The following C1orf87 variants were observed in gnomAD, a reference collection of about 807,000 sequenced individuals.
C1orf87 encodes chromosome 1 open reading frame 87.
In C1orf87, 58 loss-of-function variants were observed where a neutral mutation model predicts 60.5. That is an observed-to-expected ratio of 0.96 (90% CI 0.78 to 1.19). C1orf87 has a LOEUF of 1.19. Ranked by LOEUF, C1orf87 falls within the 50% of genes most tolerant of loss-of-function variation. The pLI is 0.00. For synonymous variants in C1orf87, 236 were observed against 227.4 expected (o/e 1.04, Z -0.34); for missense variants, 673 against 638.6 (o/e 1.05, Z -0.58).
intron 11 of C1orf87, among the ~76,000 whole-genome samples, chr1:59,994,416 C>T (rs1337413836): frequency 6.6e-6 from 1 of 152,152 alleles, no homozygotes; most frequent in Non-Finnish European, 1.5e-5. Flanking sequence ...GCTTTCTTCT[C>T]TGTAAATAAG....
intron 7 of C1orf87, among the ~76,000 whole-genome samples, chr1:60,029,100 A>G (rs898803665): frequency 3.3e-5 from 5 of 152,078 alleles, no homozygotes; most frequent in African/African-American, 4.8e-5. Flanking sequence ...TACCCCTCTC[A>G]ATTATTCCTT....
At chr1:60,009,696 A>G (rs1368833035) in intron 9 of C1orf87, among the ~76,000 whole-genome samples, 1 of 152,026 alleles carries the variant, frequency 6.6e-6, no homozygotes, top group Non-Finnish European at 1.5e-5. Flanking sequence ...GCAATCAGTA[A>G]ATGGTTGATG....
chr1:60,005,983 G>GGT (rs1645042434), intron 9 of C1orf87, among the ~76,000 whole-genome samples: 1 of 151,868 alleles, frequency 6.6e-6, no homozygotes, highest in Non-Finnish European at 1.5e-5. Context: ...AGCCTATCAT[G>GGT]GTATCCCAAT....
At chr1:59,997,135 C>T (rs1644968751) in intron 11 of C1orf87, among the ~76,000 whole-genome samples, 1 of 152,030 alleles carries the variant, frequency 6.6e-6, no homozygotes, top group Non-Finnish European at 1.5e-5. Context: ...AGATGAAAGG[C>T]TGGGAGTTAG....
chr1:60,029,328 G>C (rs952848737), intron 7 of C1orf87, among the ~76,000 whole-genome samples: 1 of 152,056 alleles, frequency 6.6e-6, no homozygotes, highest in African/African-American at 2.4e-5. Context: ...CCTTCTAAAA[G>C]GTCTCTCTGC....
intron 9 of C1orf87, chr1:60,008,891 G>A (rs577083818): frequency 1.7e-4 from 60 of 346,874 alleles, no homozygotes; most frequent in South Asian, 5.7e-4. Context: ...TGGCATTTCC[G>A]TGGAGACCCT....
At chr1:60,052,148 C>A (rs926805651) in intron 3 of C1orf87, among the ~76,000 whole-genome samples, 1 of 152,144 alleles carries the variant, frequency 6.6e-6, no homozygotes, top group Non-Finnish European at 1.5e-5. Flanking sequence ...GAAACCTTCC[C>A]AATAAACTGT....
chr1:60,064,290 T>C (rs181585088), intron 2 of C1orf87, among the ~76,000 whole-genome samples: 2 of 129,152 alleles, frequency 1.5e-5, no homozygotes, highest in East Asian at 4.7e-4. Flanking sequence ...TTATATATTA[T>C]ATATATATTT....
intron 9 of C1orf87, among the ~76,000 whole-genome samples, chr1:60,006,017 C>A (rs543295550): frequency 6.6e-6 from 1 of 152,010 alleles, no homozygotes; most frequent in East Asian, 1.9e-4. Flanking sequence ...CAATGATGGC[C>A]ATAAAACTCA....
Position 60,040,166 on chromosome 1 carries a change from G to A in C1orf87, c.498C>T (p.Ser166=), listed in dbSNP as rs1166093942. The A allele has an allele frequency of 6.2e-7, 1 of 1,613,164 alleles. No individual in the cohort carries two copies. Among genetic ancestry groups the A allele is most frequent in the Non-Finnish European group, 8.5e-7 (1 of 1,179,806 alleles). The change falls in exon 5 of 12, where the codon AGC becomes AGT. Residue 166 remains serine (S), a synonymous_variant. Coordinates refer to ENST00000371201, the MANE Select transcript of C1orf87 (RefSeq NM_152377.3). ...CGTCTTCATTTGTTGTCCCACTTGG[G>A]CTCTGGCCAATATCCTAACACAACA... ...SSDQPEDIGQ[S]PSGTTNEDAF... is the part of the protein sequence containing the mutation.
rs993010308 is a variant in C1orf87, at chr1:60,041,045, C to T, written c.429G>A (p.Lys143=). The T allele has an allele frequency of 6.2e-7, 1 of 1,613,486 alleles. No homozygotes were observed. The highest frequency in any genetic ancestry group is 1.3e-5 in the African/African-American group (1 of 74,908). Residue 143 remains lysine (K), a synonymous_variant, in exon 4 of 12, where the codon AAG becomes AAA. Transcript: ENST00000371201. ...TCTGTTCCAAGGACCAGTCTCTAAG[C>T]TTTCTCCTGGGAATGCCATGCACAT... ...LSYVHGIPRR[K]LRDWSLEQMV...
At chr1:59,999,612 C>A (rs887546830) in intron 10 of C1orf87, among the ~76,000 whole-genome samples, 4 of 152,110 alleles carry the variant, frequency 2.6e-5, no homozygotes. Flanking sequence ...CAGACTTAAG[C>A]AAGTAACTAA....
At chr1:60,026,504 G>A (rs1026168665) in intron 7 of C1orf87, among the ~76,000 whole-genome samples, 1 of 151,240 alleles carries the variant, frequency 6.6e-6, no homozygotes, top group African/African-American at 2.4e-5. Context: ...AGAGGGGAGA[G>A]TACAGAAGAA....
intron 9 of C1orf87, among the ~76,000 whole-genome samples, chr1:60,004,142 G>A (rs1645026623): frequency 6.6e-6 from 1 of 152,024 alleles, no homozygotes; most frequent in South Asian, 2.1e-4. Context: ...AGGGATTCTT[G>A]AAGCAGTACG....
intron 8 of C1orf87, among the ~76,000 whole-genome samples, chr1:60,014,222 C>G (rs565093833): frequency 6.6e-6 from 1 of 152,198 alleles, no homozygotes; most frequent in African/African-American, 2.4e-5. Context: ...AATAAAACAA[C>G]ACTTGTGTAA....
At chr1:60,035,255 CT>C (rs2100289649) in intron 6 of C1orf87, among the ~76,000 whole-genome samples, 1 of 152,310 alleles carries the variant, frequency 6.6e-6, no homozygotes, top group South Asian at 2.1e-4. Context: ...CTTCCTTCCT[CT>C]TTTCTTGCAA....
At chr1:60,027,943 A>G (rs1272264956) in intron 7 of C1orf87, among the ~76,000 whole-genome samples, 1 of 152,194 alleles carries the variant, frequency 6.6e-6, no homozygotes, top group African/African-American at 2.4e-5. Flanking sequence ...CATTTCTACA[A>G]GGTGGTGGCT....
Position 60,038,015 on chromosome 1 carries a change from C to A in C1orf87, c.840G>T (p.Glu280Asp), listed in dbSNP as rs1157154889. 2 of 1,610,132 alleles carry A rather than the reference C, an allele frequency of 1.2e-6. No individual in the cohort carries two copies. Among genetic ancestry groups the A allele is most frequent in the Non-Finnish European group, 1.7e-6 (2 of 1,177,124 alleles). ...ACCTTTGGCTATGAGTGCCATGACT[C>A]TCAGTTTTTCTCAGGTCTGCAGCTG... ...NKAAADLRKTESHGTHSQSTP... is the reference protein window; with the variant it reads ...NKAAADLRKTDSHGTHSQSTP... Residue 280 changes from glutamate (E) to aspartate (D), a missense_variant, in exon 6 of 12, where the codon GAG (glutamate) becomes GAT (aspartate). Transcript: ENST00000371201.
chr1:60,051,230 T>C (rs35379138), intron 3 of C1orf87, among the ~76,000 whole-genome samples: 19,394 of 152,132 alleles, frequency 0.13, 1,581 homozygotes, highest in East Asian at 0.27. Context: ...TACCAGGGAA[T>C]TGGGATTTAA....
Sources: gnomAD v4.1 joint callset for allele counts (sites outside exome capture counted in the v4.1 genomes callset) on GRCh38, gnomAD v4.1.1 for gene constraint, MANE v1.5 for transcripts, NCBI Gene and HGNC (gene_info 2026-07-23, HGNC 2026-07-21) for gene names.